The following ZRANB3 variants were observed in gnomAD, a reference collection of about 807,000 sequenced individuals.
ZRANB3 encodes the protein DNA annealing helicase and endonuclease ZRANB3.
In ZRANB3, 125 loss-of-function variants were observed where a neutral mutation model predicts 133.8. The observed-to-expected ratio is 0.93, with a 90% CI of 0.81 to 1.08. The LOEUF (loss-of-function observed/expected upper bound fraction) is 1.08. ZRANB3 is among the 50% of genes least tolerant of loss of function. ZRANB3 has a pLI of 0.00. For synonymous variants in ZRANB3, 387 were observed against 432.7 expected, an observed-to-expected ratio of 0.89 and a Z score of 1.31; for missense variants, 1,229 against 1,275.5, an observed-to-expected ratio of 0.96 and a Z score of 0.56.
intron 12 of ZRANB3, among the ~76,000 whole-genome samples, chr2:135,251,021 C>T (rs971599093): frequency 2.0e-5 from 3 of 152,140 alleles, no homozygotes; most frequent in Admixed American, 6.5e-5. Flanking sequence ...TGAAAGCAGC[C>T]GTGAGGGAGG....
chr2:135,350,328 A>C (rs750897473), intron 4 of ZRANB3, 113 bp from the exon 5 acceptor site: 6 of 671,262 alleles, frequency 8.9e-6, no homozygotes, highest in Non-Finnish European at 1.5e-5. Flanking sequence ...TAGAGGAAAA[A>C]TAAAAGGAGA....
intron 8 of ZRANB3, among the ~76,000 whole-genome samples, chr2:135,295,247 G>T (rs1681997061): frequency 6.6e-6 from 1 of 152,160 alleles, no homozygotes; most frequent in African/African-American, 2.4e-5. Context: ...CTTGCTTTAT[G>T]AATCTGGGTG....
intron 8 of ZRANB3, among the ~76,000 whole-genome samples, chr2:135,287,670 C>CTTTT (rs59739293): frequency 3.1e-5 from 3 of 98,056 alleles, no homozygotes; most frequent in Admixed American, 1.1e-4. Flanking sequence ...TATTTCTTTC[C>CTTTT]TTTTTTTTTT....
At chr2:135,494,718 C>A (rs774516208) in intron 2 of ZRANB3, among the ~76,000 whole-genome samples, 79 of 152,036 alleles carry the variant, frequency 5.2e-4, no homozygotes, top group Non-Finnish European at 1.0e-3. Flanking sequence ...TGTACTGATG[C>A]AGGAAAGATT....
rs1219348520 is a variant in ZRANB3, at chr2:135,235,636, C to T, written c.1540-4709G>A. On this transcript the variant is annotated intron_variant, in intron 12 of 20. Coordinates refer to ENST00000264159, the MANE Select transcript of ZRANB3 (RefSeq NM_032143.4). Reference sequence around the variant, plus strand: ...TGGGAAGCAAGGCTGGTTCAACATACGAAAATCAATAAACGTAATCCAGCA... The same window carrying T: ...TGGGAAGCAAGGCTGGTTCAACATATGAAAATCAATAAACGTAATCCAGCA... 5.3e-5 allele frequency among the ~76,000 whole-genome samples: 8 copies of T among 150,740 alleles called. No individual in the cohort carries two copies. In the South Asian group the frequency reaches 6.4e-4, roughly 12 times the overall value.
At chr2:135,504,191 G>A in intron 2 of ZRANB3, 138 bp downstream of exon 2, 2 of 963,846 alleles carry the variant, frequency 2.1e-6, no homozygotes, top group Non-Finnish European at 3.3e-6. Context: ...CATAGTAAAT[G>A]GATAAAGCTA....
chr2:135,450,801 T>A (rs1690234557), intron 2 of ZRANB3, among the ~76,000 whole-genome samples: 1 of 152,160 alleles, frequency 6.6e-6, no homozygotes, highest in African/African-American at 2.4e-5. Flanking sequence ...AGCCTCAGAA[T>A]ATCCAGTCTC....
intron 6 of ZRANB3, among the ~76,000 whole-genome samples, chr2:135,327,657 ACT>A (rs1683901469): frequency 6.6e-6 from 1 of 152,158 alleles, no homozygotes; most frequent in African/African-American, 2.4e-5. Flanking sequence ...TTGTTTTTTC[ACT>A]GTTTAGTTAT....
At chr2:135,254,813 C>T (rs112786024) in intron 12 of ZRANB3, among the ~76,000 whole-genome samples, 9,547 of 151,616 alleles carry the variant, frequency 0.063, 615 homozygotes, top group African/African-American at 0.17. Flanking sequence ...TACAGTGGCG[C>T]GATCTCAGCT....
At chr2:135,261,994 T>C (rs1420448847) in intron 12 of ZRANB3, among the ~76,000 whole-genome samples, 1 of 151,716 alleles carries the variant, frequency 6.6e-6, no homozygotes, top group Non-Finnish European at 1.5e-5. Context: ...ACCCCGTCTT[T>C]AATAAAATAC....
intron 8 of ZRANB3, among the ~76,000 whole-genome samples, chr2:135,284,911 T>A (rs937173750): frequency 3.3e-5 from 5 of 151,572 alleles, no homozygotes; most frequent in Admixed American, 6.6e-5. Context: ...CACGGTGCAC[T>A]CTTGGCTCGC....
intron 2 of ZRANB3, among the ~76,000 whole-genome samples, chr2:135,470,870 C>T (rs562175433): frequency 4.0e-5 from 6 of 148,354 alleles, no homozygotes; most frequent in African/African-American, 7.4e-5. Flanking sequence ...GGCGCAATCT[C>T]GACTCACTGC....
intron 6 of ZRANB3, among the ~76,000 whole-genome samples, chr2:135,340,150 G>A (rs1410099198): frequency 6.7e-6 from 1 of 149,386 alleles, no homozygotes; most frequent in Non-Finnish European, 1.5e-5. Flanking sequence ...TTGTCGCCCA[G>A]GCTGGAGGGC....
At chr2:135,485,140 AAAACAAAC>A (rs1315322064) in intron 2 of ZRANB3, among the ~76,000 whole-genome samples, 6 of 145,488 alleles carry the variant, frequency 4.1e-5, no homozygotes, top group African/African-American at 1.7e-4. Context: ...GAAACAAAAC[AAAACAAAC>A]AAAACAAAAC....
At chr2:135,361,593 G>A (rs571629635) in intron 3 of ZRANB3, among the ~76,000 whole-genome samples, 8 of 152,088 alleles carry the variant, frequency 5.3e-5, no homozygotes, top group Admixed American at 2.6e-4. Flanking sequence ...AAACTTTTCC[G>A]GTTTTAATGT....
intron 8 of ZRANB3, among the ~76,000 whole-genome samples, chr2:135,305,773 T>C (rs1682659280): frequency 1.3e-5 from 2 of 152,234 alleles, no homozygotes; most frequent in Non-Finnish European, 1.5e-5. Flanking sequence ...GTTCTAGTGA[T>C]GATAAATTCC....
chr2:135,517,320 C>T (rs895070882), intron 1 of ZRANB3, among the ~76,000 whole-genome samples: 5 of 151,916 alleles, frequency 3.3e-5, no homozygotes, highest in Non-Finnish European at 5.9e-5. Context: ...CCCTTGCTGG[C>T]GAGGAGTGAT....
At chr2:135,380,373 T>C (rs13016338) in intron 3 of ZRANB3, among the ~76,000 whole-genome samples, 3 of 152,122 alleles carry the variant, frequency 2.0e-5, no homozygotes, top group East Asian at 1.9e-4. Flanking sequence ...CTTCTCAGCA[T>C]CACATCGCAC....
intron 13 of ZRANB3, 112 bp downstream of exon 13, chr2:135,230,400 TA>T: frequency 1.0e-6 from 1 of 954,092 alleles, no homozygotes; most frequent in Non-Finnish European, 1.4e-6. Context: ...ATTTAAAAGC[TA>T]AAGTTGTGCT....
Sources: gnomAD v4.1 joint callset for allele counts (sites outside exome capture counted in the v4.1 genomes callset) on GRCh38, gnomAD v4.1.1 for gene constraint, MANE v1.5 for transcripts, NCBI Gene and HGNC (gene_info 2026-07-23, HGNC 2026-07-21) for gene names.